The following NTRK3 variants were observed in gnomAD, a reference collection of about 807,000 sequenced individuals.
NTRK3 encodes the protein NT-3 growth factor receptor.
Under a neutral mutation model 91.7 loss-of-function variants are expected in NTRK3, and 24 were observed. That is an observed-to-expected ratio of 0.26 (90% CI 0.19 to 0.37). NTRK3 has a LOEUF of 0.37. Among genes scored for constraint, NTRK3 ranks in the 10% least tolerant of loss-of-function variants. The pLI, the probability that NTRK3 is intolerant of heterozygous loss-of-function variation, is 1.00. For missense variants in NTRK3, 880 were observed against 1,068.9 expected, an observed-to-expected ratio of 0.82 and a Z score of 2.46; for synonymous variants, 483 against 404.0, an observed-to-expected ratio of 1.20 and a Z score of -2.34.
At chr15:87,929,555 T>A (rs1452586390) in intron 16 of NTRK3, 121 bp from the exon 17 acceptor site, 4 of 1,289,248 alleles carry the variant, frequency 3.1e-6, no homozygotes, top group Non-Finnish European at 4.2e-6. Context: ...TCCCTTTCCA[T>A]CCTGCCTATG....
At chr15:87,969,289 G>C (rs904284031) in intron 14 of NTRK3, among the ~76,000 whole-genome samples, 2 of 152,234 alleles carry the variant, frequency 1.3e-5, no homozygotes, top group African/African-American at 4.8e-5. Flanking sequence ...GGTGGAAAGA[G>C]TTACTGACGC....
chr15:87,901,726 G>A (rs1255452739), intron 17 of NTRK3, among the ~76,000 whole-genome samples: 1 of 149,618 alleles, frequency 6.7e-6, no homozygotes, highest in Non-Finnish European at 1.5e-5. Context: ...CGACAGCATT[G>A]TATTGAGAAA....
intron 14 of NTRK3, among the ~76,000 whole-genome samples, chr15:87,955,883 G>A (rs781296956): frequency 5.3e-5 from 8 of 152,182 alleles, no homozygotes; most frequent in African/African-American, 1.2e-4. Flanking sequence ...AAACTTTATA[G>A]TGTGTGTCAG....
At chr15:88,069,179 C>G (rs2046903427) in intron 13 of NTRK3, among the ~76,000 whole-genome samples, 1 of 152,182 alleles carries the variant, frequency 6.6e-6, no homozygotes, top group African/African-American at 2.4e-5. Context: ...TTAGGACAAC[C>G]TTGCAGAAAG....
intron 13 of NTRK3, 134 bp from the exon 14 acceptor site, chr15:88,033,179 TATATATATATA>T (rs2078730193): frequency 2.4e-5 from 1 of 42,472 alleles, no homozygotes. Context: ...GGGTGTGTTA[TATATATATATA>T]TATATATATA....
At chr15:88,054,697 A>G (rs752842222) in intron 13 of NTRK3, among the ~76,000 whole-genome samples, 1 of 152,032 alleles carries the variant, frequency 6.6e-6, no homozygotes, top group Non-Finnish European at 1.5e-5. Context: ...CTGGATCTCA[A>G]TTTCCCCCTG....
At chr15:88,072,399 T>C (rs569951165) in intron 13 of NTRK3, 7 of 214,090 alleles carry the variant, frequency 3.3e-5, no homozygotes, top group Non-Finnish European at 6.6e-5. Flanking sequence ...TTGGTTTTCT[T>C]TGAATCAATT....
At chr15:87,942,676 C>T (rs767442571) in intron 14 of NTRK3, among the ~76,000 whole-genome samples, 24 of 152,152 alleles carry the variant, frequency 1.6e-4, no homozygotes, top group Admixed American at 3.3e-4. Flanking sequence ...GACCTGGATC[C>T]TCCAAGAGCT....
chr15:88,017,091 A>C (rs148492798), intron 14 of NTRK3, among the ~76,000 whole-genome samples: 2 of 152,306 alleles, frequency 1.3e-5, no homozygotes, highest in Admixed American at 6.5e-5. Flanking sequence ...CCTTGCACCA[A>C]AAATGGGAGG....
At chr15:88,136,511 C>T (rs2151209101) in exon 8 of NTRK3, 1 of 1,614,174 alleles carries the variant, frequency 6.2e-7, no homozygotes, top group Non-Finnish European at 8.5e-7. Context: ...ATCCAGTCCA[C>T]ATCAGGAAGG....
intron 3 of NTRK3, among the ~76,000 whole-genome samples, chr15:88,217,613 G>C (rs2049894945): frequency 6.6e-6 from 1 of 152,174 alleles, no homozygotes; most frequent in South Asian, 2.1e-4. Flanking sequence ...ATGAGGAAGA[G>C]TTGTTGTTTA....
intron 14 of NTRK3, among the ~76,000 whole-genome samples, chr15:87,944,221 G>C (rs1460726931): frequency 1.3e-5 from 2 of 152,326 alleles, no homozygotes; most frequent in East Asian, 3.9e-4. Context: ...GGTAACCAGG[G>C]AGCTTTGGCA....
intron 17 of NTRK3, among the ~76,000 whole-genome samples, chr15:87,921,438 T>G (rs2067861347): frequency 6.6e-6 from 1 of 152,192 alleles, no homozygotes; most frequent in South Asian, 2.1e-4. Flanking sequence ...AGAACCAGTA[T>G]GCCTAGCTGC....
intron 14 of NTRK3, among the ~76,000 whole-genome samples, chr15:87,973,203 G>A (rs533674533): frequency 6.6e-6 from 1 of 152,230 alleles, no homozygotes; most frequent in Non-Finnish European, 1.5e-5. Context: ...ATGAAAAGGG[G>A]CAAAAACACA....
chr15:88,177,287 A>G (rs1257393179), intron 5 of NTRK3, among the ~76,000 whole-genome samples: 1 of 152,196 alleles, frequency 6.6e-6, no homozygotes, highest in Admixed American at 6.5e-5. Flanking sequence ...TATATGTTTA[A>G]AATATCACTC....
At chr15:88,149,756 C>G (rs528098521) in intron 5 of NTRK3, among the ~76,000 whole-genome samples, 2 of 152,356 alleles carry the variant, frequency 1.3e-5, no homozygotes, top group African/African-American at 4.8e-5. Context: ...TAACCACACC[C>G]TATTAGACCA....
intron 14 of NTRK3, among the ~76,000 whole-genome samples, chr15:88,004,886 G>A (rs1482330017): frequency 1.3e-5 from 2 of 152,178 alleles, no homozygotes; most frequent in Non-Finnish European, 1.5e-5. Flanking sequence ...TGTGGCAGCA[G>A]AATGAATGGA....
At chr15:87,976,966 TTC>T (rs2073777273) in intron 14 of NTRK3, among the ~76,000 whole-genome samples, 1 of 138,908 alleles carries the variant, frequency 7.2e-6, no homozygotes, top group Admixed American at 7.5e-5. Context: ...AAGAGAAGAT[TTC>T]TGTGAGCCTT....
exon 19 of NTRK3, chr15:87,865,614 T>G (rs1243928420): frequency 4.6e-6 from 1 of 217,594 alleles, no homozygotes; most frequent in African/African-American, 2.3e-5. Context: ...AAAAATTAGT[T>G]ATACCACCAA....
Sources: gnomAD v4.1 joint callset for allele counts (sites outside exome capture counted in the v4.1 genomes callset) on GRCh38, gnomAD v4.1.1 for gene constraint, MANE v1.5 for transcripts, NCBI Gene and HGNC (gene_info 2026-07-23, HGNC 2026-07-21) for gene names.